SPTLC1: variants seen among roughly 807,000 people sequenced by gnomAD.
SPTLC1 encodes the protein serine palmitoyltransferase 1.
Under a neutral mutation model 68.9 loss-of-function variants are expected in SPTLC1, and 55 were observed. That is an observed-to-expected ratio of 0.80 (90% CI 0.64 to 1.00). The LOEUF (loss-of-function observed/expected upper bound fraction) is 1.00, where lower values mean the gene tolerates loss of function less well. Among genes scored for constraint, SPTLC1 ranks in the 50% least tolerant of loss-of-function variants. The probability of loss-of-function intolerance (pLI) is 0.00; values close to 1 mark genes in which losing one functional copy is unlikely to be tolerated. For synonymous variants in SPTLC1, 197 were observed against 201.6 expected (o/e 0.98, Z 0.19); for missense variants, 449 against 573.1 (o/e 0.78, Z 2.21).
In SPTLC1 at chr9:92,032,345, T is replaced by C; in HGVS notation, c.*120A>G. 6.4e-7 allele frequency: 1 copy of C among 1,566,874 alleles called. No individual in the cohort carries two copies. Among genetic ancestry groups the C allele is most frequent in the Non-Finnish European group, 8.6e-7 (1 of 1,159,350 alleles). ...ATTGGTCCATACTGACACCATTTGG[T>C]AACAATCCTATCAAAGATCCACATG... On this transcript the variant is annotated 3_prime_UTR_variant, in exon 15 of 15. Transcript: ENST00000262554.
At chr9:92,085,712 T>C (rs2118712574) in intron 3 of SPTLC1, among the ~76,000 whole-genome samples, 1 of 152,196 alleles carries the variant, frequency 6.6e-6, no homozygotes, top group Admixed American at 6.5e-5. Context: ...AAAAAATGTA[T>C]ATTCTGTTGA....
intron 8 of SPTLC1, among the ~76,000 whole-genome samples, chr9:92,051,796 G>T (rs541818469): frequency 2.6e-5 from 4 of 152,312 alleles, no homozygotes; most frequent in African/African-American, 9.6e-5. Context: ...AATATCTGTT[G>T]TATTTCTATA....
chr9:92,064,990 C>T (rs1343536468), intron 6 of SPTLC1, among the ~76,000 whole-genome samples: 2 of 152,168 alleles, frequency 1.3e-5, no homozygotes, highest in African/African-American at 4.8e-5. Flanking sequence ...CATGAAGGAT[C>T]CCTGTGGCGA....
chr9:92,061,589 G>A (rs1277210256), intron 6 of SPTLC1, among the ~76,000 whole-genome samples: 1 of 152,152 alleles, frequency 6.6e-6, no homozygotes, highest in Admixed American at 6.5e-5. Context: ...AAAAATATGG[G>A]CAAATACACT....
chr9:92,065,765 A>AATAAAAATATTC (rs1224687111), intron 6 of SPTLC1, among the ~76,000 whole-genome samples: 5 of 152,238 alleles, frequency 3.3e-5, no homozygotes, highest in African/African-American at 1.2e-4. Flanking sequence ...GCCAAAAATT[A>AATAAAAATATTC]ATAAAAATAT....
chr9:92,045,918 C>A (rs1833497562), intron 12 of SPTLC1, 81 bp downstream of exon 12: 4 of 1,350,750 alleles, frequency 3.0e-6, no homozygotes, highest in Non-Finnish European at 4.2e-6. Flanking sequence ...CTGACCCAAG[C>A]CTAGAAATTT....
intron 1 of SPTLC1, among the ~76,000 whole-genome samples, chr9:92,113,091 G>A (rs1443138322): frequency 6.6e-6 from 1 of 151,820 alleles, no homozygotes; most frequent in Non-Finnish European, 1.5e-5. Flanking sequence ...TGGGCAACAG[G>A]AGCAAAACTC....
intron 13 of SPTLC1, among the ~76,000 whole-genome samples, chr9:92,035,168 C>T (rs986399044): frequency 3.3e-5 from 5 of 152,160 alleles, no homozygotes; most frequent in African/African-American, 7.2e-5. Context: ...GTCACAGTTG[C>T]ACCTTTTCTT....
At chr9:92,080,187 C>T (rs1587953771) in intron 4 of SPTLC1, 99 bp from the exon 5 acceptor site, 7 of 908,264 alleles carry the variant, frequency 7.7e-6, no homozygotes, top group Non-Finnish European at 1.2e-5. Context: ...TTCCTTCCTC[C>T]TCCAACTCTA....
rs1833846560 is a variant in SPTLC1 at position 92,055,267 on chromosome 9, C to T, written c.780+138G>A. Reference sequence around the variant, plus strand: ...TGGCATTCAGTGTTGTTCTTCTTCCCTGATCTGAGCAAAATATGCTTATGA... The same window carrying T: ...TGGCATTCAGTGTTGTTCTTCTTCCTTGATCTGAGCAAAATATGCTTATGA... On this transcript the variant is annotated intron_variant, in intron 8 of 14. Coordinates refer to ENST00000262554, the MANE Select transcript of SPTLC1 (RefSeq NM_006415.4). 5 of 1,516,658 alleles carry T rather than the reference C, an allele frequency of 3.3e-6. No homozygotes were observed. In the Admixed American group the frequency reaches 1.0e-4, roughly 30 times the overall value. 94.0% of individuals were successfully genotyped at this position (1,516,658 alleles called of 1,614,324 possible).
chr9:92,072,654 T>C (rs12001058), intron 5 of SPTLC1, among the ~76,000 whole-genome samples: 1,759 of 152,024 alleles, frequency 0.012, 33 homozygotes, highest in African/African-American at 0.04. Flanking sequence ...AGCCTAAACG[T>C]CTAATTTTTT....
chr9:92,094,838 T>C (rs912049008), intron 3 of SPTLC1, among the ~76,000 whole-genome samples: 1 of 152,182 alleles, frequency 6.6e-6, no homozygotes, highest in South Asian at 2.1e-4. Flanking sequence ...CAGCAGGGCA[T>C]ACACTTCAAC....
At chr9:92,082,376 G>A (rs530543161) in intron 3 of SPTLC1, among the ~76,000 whole-genome samples, 74 of 147,072 alleles carry the variant, frequency 5.0e-4, no homozygotes, top group African/African-American at 1.7e-3. Flanking sequence ...ATCTCCTAAT[G>A]CTATCCCTCC....
At chr9:92,049,497 G>GCACA (rs994914872) in intron 9 of SPTLC1, among the ~76,000 whole-genome samples, 1 of 151,814 alleles carries the variant, frequency 6.6e-6, no homozygotes, top group African/African-American at 2.4e-5. Flanking sequence ...ACACACACAT[G>GCACA]CACACACACA....
intron 12 of SPTLC1, among the ~76,000 whole-genome samples, chr9:92,041,778 A>T (rs1833356509): frequency 6.6e-6 from 1 of 152,244 alleles, no homozygotes; most frequent in Non-Finnish European, 1.5e-5. Context: ...TAATGAAGTA[A>T]CGGTTTTCTC....
At chr9:92,044,918 A>G (rs1833458097) in intron 12 of SPTLC1, among the ~76,000 whole-genome samples, 1 of 152,186 alleles carries the variant, frequency 6.6e-6, no homozygotes, top group African/African-American at 2.4e-5. Flanking sequence ...TGGAGATTAG[A>G]CTTAGAAAAA....
At chr9:92,034,001 A>G (rs1833057918) in intron 14 of SPTLC1, among the ~76,000 whole-genome samples, 1 of 152,136 alleles carries the variant, frequency 6.6e-6, no homozygotes, top group South Asian at 2.1e-4. Context: ...CCTTCTCTCC[A>G]GCTCTTCTGC....
chr9:92,112,324 T>C (rs904647011), intron 2 of SPTLC1, 131 bp downstream of exon 2: 40 of 679,600 alleles, frequency 5.9e-5, no homozygotes, highest in Non-Finnish European at 9.6e-5. Context: ...TAATAATTCA[T>C]TCCCCTTGAT....
At chr9:92,053,817 G>T in intron 8 of SPTLC1, 1 of 366,414 alleles carries the variant, frequency 2.7e-6, no homozygotes, top group Non-Finnish European at 3.8e-6. Flanking sequence ...CGTGAGTCAT[G>T]AAAAGGTTTT....
Sources: gnomAD v4.1 joint callset for allele counts (sites outside exome capture counted in the v4.1 genomes callset) on GRCh38, gnomAD v4.1.1 for gene constraint, MANE v1.5 for transcripts, NCBI Gene and HGNC (gene_info 2026-07-23, HGNC 2026-07-21) for gene names.